Variants in ZNF83 observed in about 807,000 individuals in gnomAD.
The protein encoded by ZNF83 is zinc finger protein 816B.
For missense variants in ZNF83, 552 were observed against 629.9 expected (o/e 0.88, Z 1.32); for synonymous variants, 209 against 213.0 (o/e 0.98, Z 0.17).
At chr19:52,628,269 G>C (rs555278) in intron 2 of ZNF83, among the ~76,000 whole-genome samples, 47,784 of 151,882 alleles carry the variant, frequency 0.31, 8,099 homozygotes, top group East Asian at 0.58. Flanking sequence ...TGCTCCATGA[G>C]GAAGATCCAC....
chr19:52,629,214 C>T (rs1454224993), intron 2 of ZNF83, among the ~76,000 whole-genome samples: 1 of 152,122 alleles, frequency 6.6e-6, no homozygotes, highest in Non-Finnish European at 1.5e-5. Flanking sequence ...ATTTTTCCAC[C>T]CTGCAAGATC....
At chr19:52,615,603 A>G (rs1292501433) in intron 2 of ZNF83, among the ~76,000 whole-genome samples, 2 of 152,056 alleles carry the variant, frequency 1.3e-5, no homozygotes, top group Non-Finnish European at 2.9e-5. Flanking sequence ...GCAAAACTCC[A>G]TCTCAAAAAA....
rs187435244 is a variant in ZNF83, at chr19:52,673,363, G to A, written c.-282-12520C>T. 2.7e-3 allele frequency among the ~76,000 whole-genome samples: 405 copies of A among 152,152 alleles called. 3 individuals are homozygous for A. Among genetic ancestry groups the A allele is most frequent in the Non-Finnish European group, 4.0e-3 (275 of 68,006 alleles). On this transcript the variant is annotated intron_variant, in intron 1 of 5. Coordinates refer to the ZNF83 transcript ENST00000594682. ...CTAAAAAAATACAAAATTAGCCGAG[G>A]GTGATGGCGCATGCCTGTAATCTCA...
chr19:52,640,662 G>GT (rs1181265760), upstream of ZNF83, among the ~76,000 whole-genome samples: 5 of 152,134 alleles, frequency 3.3e-5, no homozygotes, highest in East Asian at 9.7e-4. Flanking sequence ...TGCAACCAGC[G>GT]CCCCAGTCCA....
At chr19:52,634,999 C>T (rs921707788) in intron 2 of ZNF83, 67 bp downstream of exon 2, 3 of 718,334 alleles carry the variant, frequency 4.2e-6, no homozygotes, top group Non-Finnish European at 7.6e-6. Context: ...GAGAAGATTC[C>T]CAACTCCAAG....
intron 2 of ZNF83, among the ~76,000 whole-genome samples, chr19:52,630,033 C>G (rs200008101): frequency 1.3e-5 from 2 of 151,904 alleles, no homozygotes; most frequent in African/African-American, 4.8e-5. Flanking sequence ...ACCTCCTCCC[C>G]CAGGAGCTTG....
At chr19:52,680,282 G>C (rs1040446914) in intron 1 of ZNF83, among the ~76,000 whole-genome samples, 3 of 152,112 alleles carry the variant, frequency 2.0e-5, no homozygotes, top group African/African-American at 4.8e-5. Context: ...TGTTTGCAGG[G>C]ACATTTTCAT....
In ZNF83 at chr19:52,664,231, C is replaced by G. The variant is rs534498381; in HGVS notation, c.-282-3388G>C. On this transcript the variant is annotated intron_variant, in intron 1 of 5. Coordinates refer to the ZNF83 transcript ENST00000594682. ...TAAGAACAAGCTGGGTGTGGTGGCT[C>G]ATGCCTGTAATCCCAAGACTTTGGG... Among the ~76,000 whole-genome samples, 25 of 149,870 alleles carry G rather than the reference C, an allele frequency of 1.7e-4. No individual in the cohort carries two copies. The East Asian group carries it at 3.8e-3, about 23-fold the overall frequency.
intron 1 of ZNF83, among the ~76,000 whole-genome samples, chr19:52,675,754 T>G (rs910872119): frequency 6.6e-6 from 1 of 152,236 alleles, no homozygotes; most frequent in African/African-American, 2.4e-5. Context: ...GAGTGAATTT[T>G]GTGCATGCAT....
intron 2 of ZNF83, among the ~76,000 whole-genome samples, chr19:52,629,965 CT>C (rs1372425018): frequency 6.6e-6 from 1 of 152,190 alleles, no homozygotes; most frequent in Non-Finnish European, 1.5e-5. Flanking sequence ...CCAGCCACAT[CT>C]CCAGCACACA....
intron 2 of ZNF83, among the ~76,000 whole-genome samples, chr19:52,625,660 C>T (rs2060711178): frequency 6.6e-6 from 1 of 152,156 alleles, no homozygotes; most frequent in African/African-American, 2.4e-5. Context: ...CTTAGGAAAA[C>T]ATTTACCCTG....
At chr19:52,686,486 A>G (rs1237458502) in intron 1 of ZNF83, among the ~76,000 whole-genome samples, 1 of 117,698 alleles carries the variant, frequency 8.5e-6, no homozygotes, top group Non-Finnish European at 1.8e-5. Context: ...ATATATAAAT[A>G]AATGAGAAAC....
At chr19:52,623,072 G>T (rs1182502652) in intron 2 of ZNF83, among the ~76,000 whole-genome samples, 5 of 152,160 alleles carry the variant, frequency 3.3e-5, no homozygotes, top group Non-Finnish European at 7.3e-5. Context: ...TGCAGCCAGG[G>T]ATTCCTCCCA....
intron 1 of ZNF83, among the ~76,000 whole-genome samples, chr19:52,688,942 G>A (rs956948862): frequency 2.1e-5 from 2 of 96,868 alleles, no homozygotes; most frequent in African/African-American, 8.2e-5. Flanking sequence ...TCCAGAGCAA[G>A]GTTGAAGGAA....
At chr19:52,614,334 A>G in exon 3 of ZNF83, 5 of 1,613,040 alleles carry the variant, frequency 3.1e-6, no homozygotes, top group Non-Finnish European at 3.4e-6. Flanking sequence ...TGAATAATGA[A>G]TCCACAAAAT....
chr19:52,618,053 T>A (rs1259713417), intron 2 of ZNF83: 1 of 152,156 alleles, frequency 6.6e-6, no homozygotes, highest in Non-Finnish European at 1.5e-5. Flanking sequence ...GAGTAGCAAA[T>A]AGGGAACTGG....
upstream of ZNF83, among the ~76,000 whole-genome samples, chr19:52,639,937 A>G (rs1294915514): frequency 6.6e-6 from 1 of 152,144 alleles, no homozygotes; most frequent in Non-Finnish European, 1.5e-5. Context: ...GTTCTATACA[A>G]CCCATTGAGT....
At chr19:52,633,381 C>A (rs531289988) in intron 2 of ZNF83, among the ~76,000 whole-genome samples, 1 of 152,352 alleles carries the variant, frequency 6.6e-6, no homozygotes, top group South Asian at 2.1e-4. Context: ...AGTCTCTTCA[C>A]ACGGACGTGC....
intron 1 of ZNF83, among the ~76,000 whole-genome samples, chr19:52,671,233 G>A (rs1328814240): frequency 2.0e-5 from 3 of 151,886 alleles, no homozygotes; most frequent in African/African-American, 7.3e-5. Flanking sequence ...CTTTACATAG[G>A]AATTTGGACA....
Sources: gnomAD v4.1 joint callset for allele counts (sites outside exome capture counted in the v4.1 genomes callset) on GRCh38, gnomAD v4.1.1 for gene constraint, MANE v1.5 for transcripts, NCBI Gene and HGNC (gene_info 2026-07-23, HGNC 2026-07-21) for gene names.